The following MSI2 variants were observed in gnomAD, a reference collection of about 807,000 sequenced individuals.
MSI2 encodes the protein RNA-binding protein Musashi homolog 2.
In MSI2, 17 loss-of-function variants were observed where a neutral mutation model predicts 45.6. That is an observed-to-expected ratio of 0.37 (90% CI 0.26 to 0.56). The LOEUF (loss-of-function observed/expected upper bound fraction) is 0.56, where lower values mean the gene tolerates loss of function less well. Among genes scored for constraint, MSI2 ranks in the 20% least tolerant of loss-of-function variants. The pLI is 0.77. For synonymous variants in MSI2, 156 were observed against 158.2 expected, an observed-to-expected ratio of 0.99 and a Z score of 0.11; for missense variants, 293 against 444.2, an observed-to-expected ratio of 0.66 and a Z score of 3.06.
intron 7 of MSI2, among the ~76,000 whole-genome samples, chr17:57,550,146 G>A (rs543595110): frequency 3.9e-5 from 6 of 152,260 alleles, no homozygotes; most frequent in East Asian, 3.9e-4. Context: ...AATAGCTGCC[G>A]AAGACAAACG....
intron 5 of MSI2, among the ~76,000 whole-genome samples, chr17:57,277,061 T>C (rs1424133742): frequency 1.4e-5 from 2 of 140,098 alleles, no homozygotes; most frequent in African/African-American, 5.2e-5. Context: ...TTCTTTTTTT[T>C]TTTTTTTTTT....
At chr17:57,362,219 A>C (rs982242875) in intron 5 of MSI2, among the ~76,000 whole-genome samples, 2 of 152,244 alleles carry the variant, frequency 1.3e-5, no homozygotes, top group African/African-American at 4.8e-5. Flanking sequence ...ACCAAATTGC[A>C]GTTTGTAGAA....
At chr17:57,262,325 G>A (rs1407234803) in intron 5 of MSI2, 133 bp downstream of exon 5, 1 of 937,064 alleles carries the variant, frequency 1.1e-6, no homozygotes, top group East Asian at 2.6e-5. Context: ...AGGACAGGCT[G>A]GGCAAGTAGT....
chr17:57,441,068 C>T (rs1198022019), intron 6 of MSI2, among the ~76,000 whole-genome samples: 1 of 152,126 alleles, frequency 6.6e-6, no homozygotes, highest in Non-Finnish European at 1.5e-5. Context: ...TGTTTTCAGG[C>T]AGCGCTTTGT....
chr17:57,421,719 AC>A (rs1385282619), intron 6 of MSI2, among the ~76,000 whole-genome samples: 1 of 152,134 alleles, frequency 6.6e-6, no homozygotes, highest in African/African-American at 2.4e-5. Flanking sequence ...CCCTATCTGT[AC>A]AAAAAATGTG....
chr17:57,681,806 C>T lies in MSI2; in HGVS notation c.*2289C>T, dbSNP rs1477600817. ...TTGTTCAAGTCATAAAACAACAAAA[C>T]ATAAGTTTTATTTAAAAAAAAAAAA... On this transcript the variant is annotated 3_prime_UTR_variant, in exon 14 of 14. Transcript: ENST00000284073. 2.2e-5 allele frequency: 3 copies of T among 139,532 alleles called. No homozygotes were observed. Among genetic ancestry groups the T allele is most frequent in the East Asian group, 8.5e-5 (1 of 11,820 alleles). The allele number at this position is 139,532 out of a possible 1,614,324, so 8.6% of individuals were successfully genotyped here. A position where few individuals can be genotyped will look rare whatever the true frequency, so the allele number is the denominator to read the frequency against.
intron 5 of MSI2, among the ~76,000 whole-genome samples, chr17:57,311,088 ATATGTGG>A (rs1317192179): frequency 6.6e-6 from 1 of 152,214 alleles, no homozygotes; most frequent in Non-Finnish European, 1.5e-5. Context: ...TAGATGCTCA[ATATGTGG>A]TGGCTCTGAT....
intron 6 of MSI2, among the ~76,000 whole-genome samples, chr17:57,411,837 T>C (rs1203350822): frequency 6.6e-6 from 1 of 151,982 alleles, no homozygotes; most frequent in Non-Finnish European, 1.5e-5. Context: ...TGAAACCCTG[T>C]CTCTACTAAA....
At chr17:57,330,885 T>C (rs1914196702) in intron 5 of MSI2, among the ~76,000 whole-genome samples, 1 of 151,612 alleles carries the variant, frequency 6.6e-6, no homozygotes, top group Admixed American at 6.6e-5. Context: ...ATTATATTCC[T>C]GGCCTTGCCC....
At chr17:57,313,374 C>T (rs905926716) in intron 5 of MSI2, among the ~76,000 whole-genome samples, 9 of 152,204 alleles carry the variant, frequency 5.9e-5, no homozygotes, top group African/African-American at 1.2e-4. Flanking sequence ...ATTTAGTCAC[C>T]GCTGCCTTTT....
At chr17:57,467,448 T>G (rs1391895265) in intron 6 of MSI2, among the ~76,000 whole-genome samples, 1 of 151,772 alleles carries the variant, frequency 6.6e-6, no homozygotes, top group African/African-American at 2.4e-5. Flanking sequence ...GAATGGCAGA[T>G]GGACGGATAG....
At chr17:57,378,082 A>G (rs2083532250) in intron 5 of MSI2, among the ~76,000 whole-genome samples, 1 of 151,778 alleles carries the variant, frequency 6.6e-6, no homozygotes, top group East Asian at 1.9e-4. Context: ...CTCAAAAAAA[A>G]AAAAAAGAAA....
chr17:57,563,761 C>T (rs1177615350), intron 7 of MSI2, among the ~76,000 whole-genome samples: 4 of 149,980 alleles, frequency 2.7e-5, no homozygotes, highest in Non-Finnish European at 5.9e-5. Context: ...CACACACACA[C>T]ACACACACAC....
chr17:57,689,108 G>A (rs1027324986), downstream of MSI2, among the ~76,000 whole-genome samples: 3 of 151,910 alleles, frequency 2.0e-5, no homozygotes, highest in Non-Finnish European at 4.4e-5. Context: ...AAAATTAGCT[G>A]TCTAAAAAAG....
intron 5 of MSI2, among the ~76,000 whole-genome samples, chr17:57,290,153 T>A (rs780203680): frequency 6.6e-6 from 1 of 152,174 alleles, no homozygotes; most frequent in Non-Finnish European, 1.5e-5. Flanking sequence ...GTGCTTCAGT[T>A]TTCTCATCTA....
At chr17:57,274,232 T>G (rs949619126) in intron 5 of MSI2, 1 of 152,262 alleles carries the variant, frequency 6.6e-6, no homozygotes, top group Non-Finnish European at 1.5e-5. Context: ...TAAAATGTTA[T>G]TTTTACTGTC....
intron 5 of MSI2, among the ~76,000 whole-genome samples, chr17:57,322,657 T>C (rs73325408): frequency 0.03 from 4,597 of 152,222 alleles, 250 homozygotes; most frequent in African/African-American, 0.11. Context: ...AGATTTGTGC[T>C]TGGCTGTTGG....
chr17:57,526,610 T>C (rs2086708263), intron 6 of MSI2, among the ~76,000 whole-genome samples: 1 of 152,068 alleles, frequency 6.6e-6, no homozygotes, highest in South Asian at 2.1e-4. Flanking sequence ...AGTCTTTGTA[T>C]ATTCAAATTC....
At position 57,529,627 on chromosome 17, in the gene MSI2, ACTTTCTTAAAATT is replaced by A. The variant is rs771052200; in HGVS notation, c.406-47_406-35del. On this transcript the variant is annotated intron_variant, in intron 6 of 13. Transcript: ENST00000284073. The surrounding 1 kb of genome is among the most constrained non-coding windows in gnomAD (Gnocchi z 5.3). The stretch of plus-strand genomic sequence containing the variant: ...CCGACATGCATATAATGTTTTGTGT[ACTTTCTTAAAATT>A]CCTAAGGCAGCCTGTATTCTATATT... The A allele has an allele frequency of 4.8e-5, 75 of 1,564,934 alleles. 1 individual carries two copies. The South Asian group carries it at 8.2e-4, about 17-fold the overall frequency.
Sources: allele counts gnomAD v4.1 joint callset (sites outside exome capture counted in the v4.1 genomes callset), GRCh38; gene constraint gnomAD v4.1.1; non-coding constraint Gnocchi (gnomAD v3.1); transcripts MANE v1.5; gene names NCBI Gene and HGNC (gene_info 2026-07-23, HGNC 2026-07-21).